The following CPM variants were observed in gnomAD, a reference collection of about 807,000 sequenced individuals.
CPM encodes the protein carboxypeptidase M.
In CPM, 35 loss-of-function variants were observed where a neutral mutation model predicts 46.4. The observed-to-expected ratio is 0.75, with a 90% CI of 0.58 to 1.00. The LOEUF (loss-of-function observed/expected upper bound fraction) is 1.00. CPM is among the 50% of genes least tolerant of loss of function. The pLI, the probability that CPM is intolerant of heterozygous loss-of-function variation, is 0.00. For synonymous variants in CPM, 195 were observed against 195.3 expected (o/e 1.00, Z 0.01); for missense variants, 422 against 530.4 (o/e 0.80, Z 2.01).
intron 2 of CPM, among the ~76,000 whole-genome samples, chr12:68,931,763 A>AAAAAAAAAGAAAG (rs1482981614): frequency 5.3e-5 from 7 of 132,500 alleles, no homozygotes; most frequent in Admixed American, 2.3e-4. Context: ...AAAAAAAAAA[A>AAAAAAAAAGAAAG]AAAGAAAGAA....
intron 2 of CPM, among the ~76,000 whole-genome samples, chr12:68,909,934 A>G (rs1887523240): frequency 6.6e-6 from 1 of 151,996 alleles, no homozygotes; most frequent in Non-Finnish European, 1.5e-5. Flanking sequence ...ATGTATACCT[A>G]TGTAACAAAC....
At chr12:68,865,701 C>T (rs569749601) in intron 7 of CPM, among the ~76,000 whole-genome samples, 2 of 152,254 alleles carry the variant, frequency 1.3e-5, no homozygotes, top group South Asian at 2.1e-4. Flanking sequence ...ATATGTTTCT[C>T]TCCCCAAGCC....
intron 2 of CPM, among the ~76,000 whole-genome samples, chr12:68,919,980 G>A (rs1253829739): frequency 1.3e-5 from 2 of 152,210 alleles, no homozygotes; most frequent in African/African-American, 4.8e-5. Context: ...TTTGGGTCAT[G>A]GGAGTGGATC....
chr12:68,856,456 A>C lies in CPM; in HGVS notation c.1313T>G (p.Leu438Trp). The change falls in exon 9 of 9, where the codon TTG (leucine) becomes TGG (tryptophan). Residue 438 changes from leucine to tryptophan, a missense_variant. Transcript: ENST00000551568. ...PSLFLFLVSLLHIFFK is the reference protein window; with the variant it reads ...PSLFLFLVSLWHIFFK ...TTTACTTTATTTGAAGAATATGTGC[A>C]AAAGACTCACTAAAAATAAGAACAA... 1 of 1,614,092 alleles carries C rather than the reference A, an allele frequency of 6.2e-7. No individual in the cohort carries two copies. Among genetic ancestry groups the C allele is most frequent in the Non-Finnish European group, 8.5e-7 (1 of 1,179,998 alleles).
chr12:68,921,554 G>A (rs981159908), intron 2 of CPM, among the ~76,000 whole-genome samples: 2 of 152,050 alleles, frequency 1.3e-5, no homozygotes, highest in African/African-American at 4.8e-5. Flanking sequence ...GGCAAGGGGT[G>A]GGGGTAGACC....
At chr12:68,910,508 A>T (rs1465366511) in intron 2 of CPM, among the ~76,000 whole-genome samples, 1 of 152,202 alleles carries the variant, frequency 6.6e-6, no homozygotes, top group African/African-American at 2.4e-5. Flanking sequence ...TACTCCATTG[A>T]CTGGGTTTGG....
chr12:68,843,527 T>C (rs568094553), intron 5 of CPM: 10 of 226,532 alleles, frequency 4.4e-5, no homozygotes, highest in African/African-American at 2.0e-4. Flanking sequence ...TATTTAAATA[T>C]GAATCTTAAG....
At chr12:68,949,600 T>C (rs1888903375) in intron 1 of CPM, among the ~76,000 whole-genome samples, 3 of 152,180 alleles carry the variant, frequency 2.0e-5, no homozygotes, top group African/African-American at 7.2e-5. Context: ...GAGGGTTAAA[T>C]GAGATTGTTC....
Position 68,843,295 on chromosome 12 carries a change from TGAGAGAGAGA to T in CPM, c.534-976_534-967del, listed in dbSNP as rs138844063. ...AGTACTAATCCCTTTGGCCATTTAT[TGAGAGAGAGA>T]GAGAGAGAGAGTAGGGTGACTATAG... On this transcript the variant is annotated intron_variant, in intron 5 of 5. Transcript: ENST00000551897. 36 of 219,176 alleles carry T rather than the reference TGAGAGAGAGA, an allele frequency of 1.6e-4. No homozygotes were observed. In the East Asian group the frequency reaches 2.0e-3, roughly 12 times the overall value. The allele number at this position is 219,176 out of a possible 1,614,324, so 13.6% of individuals were successfully genotyped here. A position where few individuals can be genotyped will look rare whatever the true frequency, so the allele number is the denominator to read the frequency against.
intron 1 of CPM, 89 bp from the exon 2 acceptor site, chr12:68,932,929 G>C: frequency 8.1e-7 from 1 of 1,242,074 alleles, no homozygotes; most frequent in South Asian, 1.3e-5. Flanking sequence ...CCGGTCTCAG[G>C]GTCTCCCGAC....
Position 68,856,605 on chromosome 12 carries a change from A to G in CPM, c.1164T>C (p.Leu388=). 6.2e-7 allele frequency: 1 copy of G among 1,614,222 alleles called. No homozygotes were observed. The highest frequency in any genetic ancestry group is 1.7e-5 in the Admixed American group (1 of 60,032). Residue 388 remains leucine (L), a synonymous_variant, in exon 9 of 9, where the codon CTT becomes CTC. Coordinates refer to ENST00000551568, the MANE Select transcript of CPM (RefSeq NM_198320.5). ...IPEKSQNFSA[L]KKDILLPFQG... is the part of the protein sequence containing the mutation. Reference sequence around the variant, plus strand: ...GGAATGGAAGTAGAATATCCTTTTTAAGAGCACTGAAGTTCTGGGATTTCT... The same window carrying G: ...GGAATGGAAGTAGAATATCCTTTTTGAGAGCACTGAAGTTCTGGGATTTCT...
chr12:68,938,871 T>G (rs1457739265), intron 1 of CPM, among the ~76,000 whole-genome samples: 1 of 149,446 alleles, frequency 6.7e-6, no homozygotes, highest in Non-Finnish European at 1.5e-5. Context: ...TATACATATA[T>G]TATGTATATC....
Position 68,865,481 on chromosome 12 carries a change from G to C in CPM, c.940+1415C>G, listed in dbSNP as rs545463825. Among the ~76,000 whole-genome samples, 149 of 152,310 alleles carry C rather than the reference G, an allele frequency of 9.8e-4. 1 individual carries two copies. The highest frequency in any genetic ancestry group is 1.7e-3 in the Non-Finnish European group (114 of 68,026). ...TCCTTGCACTCAGCCCTCTGGCCCT[G>C]TGCTACCTTCCCTCATCCTTCTCCA... On this transcript the variant is annotated intron_variant, in intron 7 of 8. Transcript: ENST00000551568.
intron 1 of CPM, among the ~76,000 whole-genome samples, chr12:68,940,225 A>G (rs1888739585): frequency 6.6e-6 from 1 of 151,996 alleles, no homozygotes; most frequent in African/African-American, 2.4e-5. Flanking sequence ...CCCTACCCAC[A>G]TACACAGTTT....
chr12:68,913,878 G>A lies in CPM; in HGVS notation c.160+18800C>T, dbSNP rs141521192. On this transcript the variant is annotated intron_variant, in intron 2 of 8. Coordinates refer to ENST00000551568, the MANE Select transcript of CPM (RefSeq NM_198320.5). ...ATGCGGGGAATTACATCAAGAGCCA[G>A]TTCCTTGACCTCAGTATGCAACAAG... 127 of 681,782 alleles carry A rather than the reference G, an allele frequency of 1.9e-4. 3 individuals are homozygous for A. The East Asian group carries it at 3.4e-3, about 18-fold the overall frequency. The allele number at this position is 681,782 out of a possible 1,614,324, so 42.2% of individuals were successfully genotyped here.
chr12:68,873,815 T>A (rs1486201010), intron 3 of CPM, among the ~76,000 whole-genome samples: 1 of 150,982 alleles, frequency 6.6e-6, no homozygotes, highest in African/African-American at 2.4e-5. Context: ...TTCCACTACC[T>A]TTTTTTTTGA....
chr12:68,877,478 C>G (rs1886009692), intron 3 of CPM, among the ~76,000 whole-genome samples: 1 of 152,214 alleles, frequency 6.6e-6, no homozygotes, highest in Admixed American at 6.5e-5. Flanking sequence ...GCTATTTTAT[C>G]TGAAGGATTT....
Position 68,852,239 on chromosome 12 carries a change from T to C in CPM, c.*4198A>G, listed in dbSNP as rs1465893155. ...TAATTAAGCATCCAAATCAACACTG[T>C]CATTTATCTGCAGGGACTTAATGTT... is the stretch of plus-strand genomic sequence containing the variant. On this transcript the variant is annotated 3_prime_UTR_variant, in exon 9 of 9. Transcript: ENST00000551568. 1 of 152,264 alleles carries C rather than the reference T, an allele frequency of 6.6e-6. No individual in the cohort carries two copies. Among genetic ancestry groups the C allele is most frequent in the African/African-American group, 2.4e-5 (1 of 41,470 alleles). The allele number at this position is 152,264 out of a possible 1,614,324, so 9.4% of individuals were successfully genotyped here. A position where few individuals can be genotyped will look rare whatever the true frequency, so the allele number is the denominator to read the frequency against.
intron 1 of CPM, among the ~76,000 whole-genome samples, chr12:68,954,269 G>A (rs2136336808): frequency 6.6e-6 from 1 of 152,218 alleles, no homozygotes; most frequent in Admixed American, 6.5e-5. Context: ...TGCCCAACCT[G>A]GAAGCGTATG....
Sources: allele counts gnomAD v4.1 joint callset (sites outside exome capture counted in the v4.1 genomes callset), GRCh38; gene constraint gnomAD v4.1.1; transcripts MANE v1.5; gene names NCBI Gene and HGNC (gene_info 2026-07-23, HGNC 2026-07-21).